The following FREM1 variants were observed in gnomAD, a reference collection of about 807,000 sequenced individuals.
FREM1 encodes FRAS1 related extracellular matrix 1.
Under a neutral mutation model 210.1 loss-of-function variants are expected in FREM1, and 220 were observed. That is an observed-to-expected ratio of 1.05 (90% confidence interval 0.94 to 1.17). The LOEUF is 1.17. Among genes scored for constraint, FREM1 ranks in the 50% most tolerant of loss-of-function variants. FREM1 has a pLI of 0.00. For missense variants in FREM1, 3,454 were observed against 2,675.5 expected, an observed-to-expected ratio of 1.29 and a Z score of -6.42; for synonymous variants, 1,189 against 980.2, an observed-to-expected ratio of 1.21 and a Z score of -3.98.
At chr9:14,862,024 G>GT (rs1830692499) in intron 3 of FREM1, among the ~76,000 whole-genome samples, 2 of 152,128 alleles carry the variant, frequency 1.3e-5, no homozygotes, top group Admixed American at 6.6e-5. Context: ...GAAGTTATTT[G>GT]TTTTTTAACT....
At chr9:14,897,025 C>A (rs551660262) in intron 1 of FREM1, among the ~76,000 whole-genome samples, 1 of 152,310 alleles carries the variant, frequency 6.6e-6, no homozygotes, top group South Asian at 2.1e-4. Context: ...ATGTAAAGAT[C>A]TGCTTTCGAT....
In FREM1 at chr9:14,836,624, G is replaced by A. The variant is rs188340208; in HGVS notation, c.1881+4823C>T. Among the ~76,000 whole-genome samples, 53 of 152,208 alleles carry A rather than the reference G, an allele frequency of 3.5e-4. No homozygotes were observed. The East Asian group carries it at 9.1e-3, about 26-fold the overall frequency. The stretch of plus-strand genomic sequence containing the variant: ...CTCTCTTGCTTATATGTCTTGAATT[G>A]ATATTTGGACGTTGTATATTCAGTA... On this transcript the variant is annotated intron_variant, in intron 10 of 36. Transcript: ENST00000380880. This position sits in a 1 kb window ranked among gnomAD's most constrained non-coding sequence, Gnocchi z 4.9.
intron 1 of FREM1, among the ~76,000 whole-genome samples, chr9:14,877,814 C>A (rs1166523767): frequency 1.3e-5 from 2 of 152,122 alleles, no homozygotes; most frequent in African/African-American, 2.4e-5. Context: ...AGCAGAGAAC[C>A]CAGCTAAGCC....
intron 3 of FREM1, among the ~76,000 whole-genome samples, chr9:14,861,100 CAT>C (rs1830278047): frequency 9.8e-6 from 1 of 101,820 alleles, no homozygotes; most frequent in Non-Finnish European, 1.7e-5. Flanking sequence ...TATATATAAA[CAT>C]ATATACACAT....
intron 24 of FREM1, among the ~76,000 whole-genome samples, chr9:14,783,670 G>A (rs548201120): frequency 6.6e-6 from 1 of 152,298 alleles, no homozygotes; most frequent in East Asian, 1.9e-4. Flanking sequence ...TATGTGACTT[G>A]AAACAAATTT....
intron 3 of FREM1, among the ~76,000 whole-genome samples, chr9:14,860,474 G>C (rs1271764085): frequency 6.6e-6 from 1 of 151,280 alleles, no homozygotes; most frequent in Non-Finnish European, 1.5e-5. Context: ...GCATTCATCA[G>C]CTTTTTTTCT....
At chr9:14,806,015 G>C (rs1818277500) in intron 18 of FREM1, among the ~76,000 whole-genome samples, 2 of 152,178 alleles carry the variant, frequency 1.3e-5, no homozygotes, top group Non-Finnish European at 2.9e-5. Flanking sequence ...ATGAGACCTT[G>C]TGAGCTCCCG....
chr9:14,746,496 C>T (rs372152104), intron 34 of FREM1, 28 bp from the exon 35 acceptor site: 1 of 1,549,086 alleles, frequency 6.5e-7, no homozygotes, highest in Admixed American at 1.7e-5. Flanking sequence ...GTGTTCATAT[C>T]ATAATGGTCT....
chr9:14,822,970 G>C (rs1377416683), intron 13 of FREM1, among the ~76,000 whole-genome samples, 190 bp downstream of exon 13: 1 of 152,118 alleles, frequency 6.6e-6, no homozygotes, highest in Non-Finnish European at 1.5e-5. Context: ...CTTTTACATA[G>C]AAAGTCCCAT....
rs535709381 is a variant in FREM1 at position 14,854,391 on chromosome 9, A to G, written c.829-2784T>C. Among the ~76,000 whole-genome samples, 37 of 152,266 alleles carry G rather than the reference A, an allele frequency of 2.4e-4. 1 individual carries two copies. The highest frequency in any genetic ancestry group is 7.7e-4 in the African/African-American group (32 of 41,584). ...TGTCCAATTATATGTACCTTACAAGAAAGGCACTTAAAATTACATAGAAAG... is the reference window on the plus strand; with the variant it reads ...TGTCCAATTATATGTACCTTACAAGGAAGGCACTTAAAATTACATAGAAAG... On this transcript the variant is annotated intron_variant, in intron 5 of 36. Transcript: ENST00000380880.
intron 2 of FREM1, among the ~76,000 whole-genome samples, chr9:14,867,660 G>C (rs565883329): frequency 7.6e-4 from 116 of 152,086 alleles, no homozygotes; most frequent in Non-Finnish European, 2.6e-4. Flanking sequence ...GTAATACCTA[G>C]TACCACTTTT....
At chr9:14,781,850 C>T (rs559523593) in intron 24 of FREM1, among the ~76,000 whole-genome samples, 77 of 152,296 alleles carry the variant, frequency 5.1e-4, no homozygotes, top group African/African-American at 1.8e-3. Context: ...ATTACAGGTG[C>T]CCGCCACCAC....
intron 35 of FREM1, among the ~76,000 whole-genome samples, chr9:14,740,702 C>T (rs113706895): frequency 1.3e-5 from 2 of 152,164 alleles, no homozygotes; most frequent in African/African-American, 4.8e-5. Flanking sequence ...GTGGGTTTAG[C>T]CAAATAAACA....
chr9:14,855,458 A>G (rs971892101), intron 5 of FREM1, among the ~76,000 whole-genome samples: 121 of 152,250 alleles, frequency 7.9e-4, no homozygotes, highest in African/African-American at 2.6e-3. Context: ...GTGAAGGATC[A>G]TTTGGTCACT....
chr9:14,786,719 A>G (rs1467341372), intron 23 of FREM1, among the ~76,000 whole-genome samples: 1 of 152,228 alleles, frequency 6.6e-6, no homozygotes, highest in Admixed American at 6.5e-5. Context: ...AGATTACTAA[A>G]TTGGTCTTTT....
chr9:14,778,769 G>C (rs1435251700), intron 24 of FREM1, among the ~76,000 whole-genome samples: 1 of 148,576 alleles, frequency 6.7e-6, no homozygotes, highest in Non-Finnish European at 1.5e-5. Context: ...GAAGTCAGGC[G>C]CGGTAGCTCA....
chr9:14,876,473 C>T (rs902221827), intron 1 of FREM1, among the ~76,000 whole-genome samples: 5 of 151,616 alleles, frequency 3.3e-5, no homozygotes, highest in African/African-American at 9.7e-5. Flanking sequence ...GGCGTAGGAC[C>T]CTCTGAGCCA....
At position 14,890,188 on chromosome 9, in the gene FREM1, C is replaced by T. The variant is rs180921782; in HGVS notation, c.-268+19726G>A. On this transcript the variant is annotated intron_variant, in intron 1 of 36. Transcript: ENST00000380880. ...GTTCAAAATATTCAATGTGCCAAGGCACCCTATTTGGGGATACCATGTTCT... is the reference window on the plus strand; with the variant it reads ...GTTCAAAATATTCAATGTGCCAAGGTACCCTATTTGGGGATACCATGTTCT... Among the ~76,000 whole-genome samples, 18 of 152,356 alleles carry T rather than the reference C, an allele frequency of 1.2e-4. No individual in the cohort carries two copies. The East Asian group carries it at 3.3e-3, about 28-fold the overall frequency.
intron 10 of FREM1, among the ~76,000 whole-genome samples, chr9:14,829,440 A>C (rs140949398): frequency 2.0e-5 from 3 of 152,146 alleles, no homozygotes; most frequent in African/African-American, 7.2e-5. Flanking sequence ...GTGTCTTCCA[A>C]CAAGCATATG....
Sources: allele counts gnomAD v4.1 joint callset (sites outside exome capture counted in the v4.1 genomes callset), GRCh38; gene constraint gnomAD v4.1.1; non-coding constraint Gnocchi (gnomAD v3.1); transcripts MANE v1.5; gene names NCBI Gene and HGNC (gene_info 2026-07-23, HGNC 2026-07-21).